Variants in KCNJ8 observed in about 807,000 individuals in gnomAD.
KCNJ8 encodes the protein ATP-sensitive inward rectifier potassium channel 8.
In KCNJ8, 13 loss-of-function variants were observed where a neutral mutation model predicts 28.2. The ratio of observed to expected loss-of-function variants is 0.46; its 90% confidence interval spans 0.30 to 0.73. The LOEUF is 0.73. Ranked by LOEUF, KCNJ8 falls within the 30% of genes least tolerant of loss-of-function variation. The probability of loss-of-function intolerance (pLI) is 0.07; values close to 1 mark genes in which losing one functional copy is unlikely to be tolerated. For synonymous variants in KCNJ8, 188 were observed against 195.9 expected, an observed-to-expected ratio of 0.96 and a Z score of 0.34; for missense variants, 284 against 542.6, an observed-to-expected ratio of 0.52 and a Z score of 4.73.
chr12:21,771,043 G>T (rs1940744413), intron 2 of KCNJ8, among the ~76,000 whole-genome samples: 1 of 152,128 alleles, frequency 6.6e-6, no homozygotes, highest in Admixed American at 6.6e-5. Context: ...TTGCTAAAAT[G>T]ATTCATGGAA....
chr12:21,768,512 G>A (rs774050679), intron 2 of KCNJ8, among the ~76,000 whole-genome samples: 6 of 152,160 alleles, frequency 3.9e-5, no homozygotes, highest in Non-Finnish European at 7.3e-5. Context: ...CTAAGTGTTC[G>A]AGTAAAGGAA....
At position 21,769,128 on chromosome 12, in the gene KCNJ8, C is replaced by A. The variant is rs148103980; in HGVS notation, c.375-2505G>T. 9.8e-4 allele frequency among the ~76,000 whole-genome samples: 149 copies of A among 152,320 alleles called. 1 individual carries two copies. The highest frequency in any genetic ancestry group is 3.5e-3 in the African/African-American group (146 of 41,574). ...TAGAAGTCAATGCTTGGCTTCAAAGCATCAAAGTTCAGGCTAACTCTTGTT... is the reference window on the plus strand; with the variant it reads ...TAGAAGTCAATGCTTGGCTTCAAAGAATCAAAGTTCAGGCTAACTCTTGTT... On this transcript the variant is annotated intron_variant, in intron 2 of 2. Transcript: ENST00000240662.
In KCNJ8 at chr12:21,773,565, C is replaced by T; in HGVS notation, c.52G>A (p.Ala18Thr). ...CGCGGCTTGCGCAGGTTCTCTGCGG[C>T]GATGCGCGCCAGCACATACTCCTCC... Reference protein sequence around the residue: ...IPEEYVLARIAAENLRKPRIR... With the variant: ...IPEEYVLARITAENLRKPRIR... The change falls in exon 2 of 3, where the codon GCC (alanine) becomes ACC (threonine). Residue 18 changes from alanine (A) to threonine (T), a missense_variant. By Grantham distance (58) the Ala-to-Thr change is moderately conservative. Transcript: ENST00000240662. The surrounding 1 kb of genome is among the most constrained non-coding windows in gnomAD (Gnocchi z 4.6). 6.2e-7 allele frequency: 1 copy of T among 1,614,054 alleles called. No homozygotes were observed.
At position 21,766,215 on chromosome 12, in the gene KCNJ8, C is replaced by A. The variant is rs774563082; in HGVS notation, c.783G>T (p.Leu261=). The change falls in exon 3 of 3, where the codon CTG becomes CTT. Residue 261 remains leucine (L), a synonymous_variant. Transcript: ENST00000240662. This position sits in a 1 kb window ranked among gnomAD's most constrained non-coding sequence, Gnocchi z 6.5. Reference sequence around the variant, plus strand: ...CGTGGCAGATGATCAAAGGGGCCACCAGAAAAATGTTATTGCTCTCGATTG... The same window carrying A: ...CGTGGCAGATGATCAAAGGGGCCACAAGAAAAATGTTATTGCTCTCGATTG... ...DNPIESNNIF[L]VAPLIICHVI... 1.2e-6 allele frequency: 2 copies of A among 1,614,016 alleles called. No homozygotes were observed. Among genetic ancestry groups the A allele is most frequent in the Non-Finnish European group, 1.7e-6 (2 of 1,180,000 alleles).
In KCNJ8 at chr12:21,773,667, G is replaced by A. The variant is rs770684231; in HGVS notation, c.-51C>T. The A allele has an allele frequency of 6.2e-7, 1 of 1,605,054 alleles. No individual in the cohort carries two copies. The highest frequency in any genetic ancestry group is 8.5e-7 in the Non-Finnish European group (1 of 1,179,518). Reference sequence around the variant, plus strand: ...CCACCTCCCTCTCACCTGCCTCTCCGTCCCTGGACACCCGTCCTCCTGCAC... The same window carrying A: ...CCACCTCCCTCTCACCTGCCTCTCCATCCCTGGACACCCGTCCTCCTGCAC... On this transcript the variant is annotated 5_prime_UTR_variant, in exon 2 of 3. It adds an upstream start codon to the 5' untranslated region. Transcript: ENST00000240662. This position sits in a 1 kb window ranked among gnomAD's most constrained non-coding sequence, Gnocchi z 4.6.
At chr12:21,771,728 TATC>T (rs1035217899) in intron 2 of KCNJ8, among the ~76,000 whole-genome samples, 1 of 152,096 alleles carries the variant, frequency 6.6e-6, no homozygotes, top group African/African-American at 2.4e-5. Context: ...TTTTTATCAG[TATC>T]ATATAATTTA....
At chr12:21,768,996 C>T (rs1940698898) in intron 2 of KCNJ8, among the ~76,000 whole-genome samples, 1 of 152,204 alleles carries the variant, frequency 6.6e-6, no homozygotes, top group African/African-American at 2.4e-5. Flanking sequence ...AAAGATCCAG[C>T]TAAGAAAATT....
chr12:21,770,784 A>G (rs958886839), intron 2 of KCNJ8, among the ~76,000 whole-genome samples: 7 of 152,240 alleles, frequency 4.6e-5, no homozygotes, highest in African/African-American at 1.4e-4. Context: ...TATTAGTTCT[A>G]TCTTTGCCCC....
chr12:21,773,689 GC>G lies in KCNJ8; in HGVS notation c.-70-4del. The G allele has an allele frequency of 2.5e-6, 4 of 1,592,746 alleles. No homozygotes were observed. The highest frequency in any genetic ancestry group is 1.7e-5 in the Admixed American group (1 of 59,992). On this transcript the variant is annotated splice_polypyrimidine_tract_variant and splice_region_variant and intron_variant, in intron 1 of 2. Transcript: ENST00000240662. This position sits in a 1 kb window ranked among gnomAD's most constrained non-coding sequence, Gnocchi z 4.6. ...TCCGTCCCTGGACACCCGTCCTCCT[GC>G]ACGAGGGAAACATTTATTAAAAACT...
chr12:21,767,855 A>C (rs986263624), intron 2 of KCNJ8, among the ~76,000 whole-genome samples: 1 of 152,182 alleles, frequency 6.6e-6, no homozygotes, highest in Non-Finnish European at 1.5e-5. Flanking sequence ...ATTTTTTCAA[A>C]ACGTGCTCAC....
At position 21,766,136 on chromosome 12, in the gene KCNJ8, G is replaced by C; in HGVS notation, c.862C>G (p.Gln288Glu). Residue 288 changes from glutamine (Q) to glutamate (E), a missense_variant, in exon 3 of 3, where the codon CAA becomes GAA. By Grantham distance (29) the Gln-to-Glu change is conservative. Around this residue, in one of 8 missense-constraint regions of KCNJ8, gnomAD observed 107 missense variants for 235.6 expected, o/e 0.45. Coordinates refer to ENST00000240662, the MANE Select transcript of KCNJ8 (RefSeq NM_004982.4). This position sits in a 1 kb window ranked among gnomAD's most constrained non-coding sequence, Gnocchi z 6.5. ...AGAATAACTATGACCTCCAAGTCTT[G>C]GTTGGCCAGGTCAGTTGCTGAGATG... ...YDISATDLAN[Q>E]DLEVIVILEG... is the part of the protein sequence containing the mutation. 6.2e-7 allele frequency: 1 copy of C among 1,614,166 alleles called. No homozygotes were observed. The highest frequency in any genetic ancestry group is 8.5e-7 in the Non-Finnish European group (1 of 1,180,038).
At position 21,774,664 on chromosome 12, in the gene KCNJ8, CA is replaced by C. The variant is rs917496566; in HGVS notation, c.-190del. 1.2e-4 allele frequency: 19 copies of C among 152,192 alleles called. No homozygotes were observed. The highest frequency in any genetic ancestry group is 4.6e-4 in the African/African-American group (19 of 41,480). The allele number at this position is 152,192 out of a possible 1,614,324, so 9.4% of individuals were successfully genotyped here. On this transcript the variant is annotated 5_prime_UTR_variant, in exon 1 of 3. Coordinates refer to ENST00000240662, the MANE Select transcript of KCNJ8 (RefSeq NM_004982.4). ...CCAGGGGCCGCCCAGGCCGGAGGGACAAATTGGGGGCTGCGTGTCCTAAGGA... is the reference window on the plus strand; with the variant it reads ...CCAGGGGCCGCCCAGGCCGGAGGGACAATTGGGGGCTGCGTGTCCTAAGGA...
rs1940614320 is a variant in KCNJ8 at position 21,766,179 on chromosome 12, C to T, written c.819G>A (p.Lys273=). 6.2e-7 allele frequency: 1 copy of T among 1,614,130 alleles called. No individual in the cohort carries two copies. Residue 273 remains lysine (K), a synonymous_variant, in exon 3 of 3, where the codon AAG becomes AAA. Coordinates refer to ENST00000240662, the MANE Select transcript of KCNJ8 (RefSeq NM_004982.4). The surrounding 1 kb of genome is among the most constrained non-coding windows in gnomAD (Gnocchi z 6.5). The stretch of plus-strand genomic sequence containing the variant: ...CTGAGATGTCATACAGGGGACTGCG[C>T]TTGTCAATCACGTGGCAGATGATCA... ...APLIICHVID[K]RSPLYDISAT...
At chr12:21,772,385 A>G (rs1056447359) in intron 2 of KCNJ8, among the ~76,000 whole-genome samples, 1 of 152,130 alleles carries the variant, frequency 6.6e-6, no homozygotes, top group Non-Finnish European at 1.5e-5. Context: ...CCTCCCCCCG[A>G]AAAAAACAAA....
intron 2 of KCNJ8, among the ~76,000 whole-genome samples, chr12:21,771,736 A>G (rs957077103): frequency 2.1e-4 from 32 of 152,146 alleles, no homozygotes; most frequent in African/African-American, 7.7e-4. Context: ...AGTATCATAT[A>G]ATTTAGATTA....
In KCNJ8 at chr12:21,766,230, G is replaced by A. The variant is rs1215164211; in HGVS notation, c.768C>T (p.Ser256=). The A allele has an allele frequency of 2.4e-5, 38 of 1,614,048 alleles. No homozygotes were observed. The highest frequency in any genetic ancestry group is 3.2e-5 in the Non-Finnish European group (38 of 1,179,988). ...LDIPVDNPIE[S]NNIFLVAPLI... ...AAGGGGCCACCAGAAAAATGTTATT[G>A]CTCTCGATTGGGTTATCAACAGGAA... Residue 256 remains serine (S), a synonymous_variant, in exon 3 of 3, where the codon AGC becomes AGT. Transcript: ENST00000240662. This position sits in a 1 kb window ranked among gnomAD's most constrained non-coding sequence, Gnocchi z 6.5.
intron 2 of KCNJ8, among the ~76,000 whole-genome samples, chr12:21,767,320 C>T (rs867393138): frequency 1.7e-5 from 2 of 114,976 alleles, no homozygotes; most frequent in Non-Finnish European, 3.4e-5. Context: ...CCCCCCCCCC[C>T]CCACCTCCAG....
Position 21,773,116 on chromosome 12 carries a change from T to C in KCNJ8, c.374+127A>G. The C allele has an allele frequency of 1.8e-6, 2 of 1,118,762 alleles. No individual in the cohort carries two copies. The highest frequency in any genetic ancestry group is 2.6e-5 in the South Asian group (2 of 77,800). The allele number at this position is 1,118,762 out of a possible 1,614,324, so 69.3% of individuals were successfully genotyped here. A position where few individuals can be genotyped will look rare whatever the true frequency, so the allele number is the denominator to read the frequency against. On this transcript the variant is annotated intron_variant, in intron 2 of 2. Coordinates refer to ENST00000240662, the MANE Select transcript of KCNJ8 (RefSeq NM_004982.4). The surrounding 1 kb of genome is among the most constrained non-coding windows in gnomAD (Gnocchi z 4.6). Reference sequence around the variant, plus strand: ...GTTGTTCTTTATTGTGCTTTTTTGTTTCTGAAGATTCTAAAACAAACCCTT... The same window carrying C: ...GTTGTTCTTTATTGTGCTTTTTTGTCTCTGAAGATTCTAAAACAAACCCTT...
chr12:21,767,343 T>G (rs1006495700), intron 2 of KCNJ8, among the ~76,000 whole-genome samples: 1 of 111,838 alleles, frequency 8.9e-6, no homozygotes, highest in Non-Finnish European at 1.7e-5. Context: ...CAGGGACCAG[T>G]GCTGGTCCAT....
Sources: allele counts gnomAD v4.1 joint callset (sites outside exome capture counted in the v4.1 genomes callset), GRCh38; gene constraint gnomAD v4.1.1; regional missense constraint gnomAD v4.1.1; non-coding constraint Gnocchi (gnomAD v3.1); transcripts MANE v1.5; gene names NCBI Gene and HGNC (gene_info 2026-07-23, HGNC 2026-07-21).